The following TNNI3K variants were observed in gnomAD, a reference collection of about 807,000 sequenced individuals.
The protein encoded by TNNI3K is serine/threonine-protein kinase TNNI3K.
TNNI3K carries 140 observed loss-of-function variants against 114.5 expected under a neutral mutation model. That is an observed-to-expected ratio of 1.22 (90% CI 1.07 to 1.41). The LOEUF (loss-of-function observed/expected upper bound fraction) is 1.41. TNNI3K is among the 40% of genes most tolerant of loss of function. TNNI3K has a pLI of 0.00. For missense variants in TNNI3K, 1,125 were observed against 1,007.6 expected (o/e 1.12, Z -1.58); for synonymous variants, 347 against 347.5 (o/e 1.00, Z 0.02).
At chr1:74,294,585 GA>G (rs1396313273) in intron 5 of TNNI3K, among the ~76,000 whole-genome samples, 1 of 151,908 alleles carries the variant, frequency 6.6e-6, no homozygotes, top group African/African-American at 2.4e-5. Context: ...AGAGCTGAAG[GA>G]AAACTTAAAT....
chr1:74,307,832 A>G (rs546384), intron 5 of TNNI3K, among the ~76,000 whole-genome samples: 151,706 of 152,108 alleles, frequency 1, 75,655 homozygotes, highest in Middle Eastern at 1. Context: ...CCTTGGTAGC[A>G]CATGCCTGTA....
intron 5 of TNNI3K, among the ~76,000 whole-genome samples, chr1:74,302,741 G>T (rs1658403645): frequency 6.6e-6 from 1 of 152,184 alleles, no homozygotes; most frequent in Non-Finnish European, 1.5e-5. Context: ...CATAAGAAAA[G>T]TTTGAAGTTA....
intron 23 of TNNI3K, among the ~76,000 whole-genome samples, chr1:74,525,764 C>T (rs1646495956): frequency 6.6e-6 from 1 of 152,122 alleles, no homozygotes; most frequent in South Asian, 2.1e-4. Context: ...ATGGTCTTGT[C>T]AATACAGAAG....
intron 21 of TNNI3K, among the ~76,000 whole-genome samples, chr1:74,481,251 G>A (rs963064127): frequency 2.0e-5 from 3 of 151,990 alleles, no homozygotes; most frequent in Middle Eastern, 3.2e-3. Flanking sequence ...TCATTGTTTC[G>A]GATTATCTTC....
At chr1:74,245,170 A>G (rs950539211) in intron 2 of TNNI3K, among the ~76,000 whole-genome samples, 2 of 152,224 alleles carry the variant, frequency 1.3e-5, no homozygotes, top group Non-Finnish European at 2.9e-5. Flanking sequence ...ATCTGATAAG[A>G]TATTGGAAAA....
chr1:74,378,817 A>G (rs1173861423), intron 17 of TNNI3K: 1 of 150,970 alleles, frequency 6.6e-6, no homozygotes, highest in Non-Finnish European at 1.5e-5. Context: ...AGAAGAGGAA[A>G]TGAGTTTTAG....
At chr1:74,337,724 C>T (rs1193000730) in intron 7 of TNNI3K, among the ~76,000 whole-genome samples, 1 of 152,058 alleles carries the variant, frequency 6.6e-6, no homozygotes, top group Non-Finnish European at 1.5e-5. Context: ...TACCTCATCT[C>T]AGGTAAATAG....
At chr1:74,356,186 A>T (rs572183297) in intron 11 of TNNI3K, among the ~76,000 whole-genome samples, 1 of 152,268 alleles carries the variant, frequency 6.6e-6, no homozygotes, top group African/African-American at 2.4e-5. Context: ...ATTCATTCAC[A>T]TTGTTGCAGG....
chr1:74,313,335 G>T (rs1386857803), intron 5 of TNNI3K, among the ~76,000 whole-genome samples: 3 of 152,104 alleles, frequency 2.0e-5, no homozygotes, highest in African/African-American at 4.8e-5. Flanking sequence ...CCGGGACCAG[G>T]CCTGTCTATC....
intron 5 of TNNI3K, among the ~76,000 whole-genome samples, chr1:74,324,400 A>G (rs998481483): frequency 3.9e-5 from 6 of 152,252 alleles, no homozygotes; most frequent in African/African-American, 1.4e-4. Flanking sequence ...TAACATAGTC[A>G]TGATCCTTTT....
chr1:74,358,637 T>C (rs892572295), intron 11 of TNNI3K, among the ~76,000 whole-genome samples: 7 of 152,118 alleles, frequency 4.6e-5, no homozygotes, highest in Admixed American at 4.6e-4. Context: ...ATTTCAAGTT[T>C]AGTTACTTAG....
intron 23 of TNNI3K, 94 bp downstream of exon 23, chr1:74,492,360 A>T: frequency 7.6e-7 from 1 of 1,323,258 alleles, no homozygotes. Context: ...ACAGGGTTTG[A>T]TTACCCCCTG....
intron 11 of TNNI3K, among the ~76,000 whole-genome samples, chr1:74,356,597 C>T (rs952388051): frequency 3.9e-5 from 6 of 152,130 alleles, no homozygotes; most frequent in East Asian, 1.9e-4. Context: ...ATTAGTCTTC[C>T]GGAAGGCAGC....
intron 17 of TNNI3K, among the ~76,000 whole-genome samples, chr1:74,401,032 A>G (rs1664332775): frequency 1.3e-5 from 2 of 152,216 alleles, no homozygotes; most frequent in African/African-American, 2.4e-5. Context: ...TCTTTAATTC[A>G]ATATTCACTT....
chr1:74,263,241 T>C (rs984250298), intron 4 of TNNI3K, among the ~76,000 whole-genome samples: 1 of 152,062 alleles, frequency 6.6e-6, no homozygotes, highest in Non-Finnish European at 1.5e-5. Context: ...AGTTTCCTAA[T>C]ATTTAAATGC....
At chr1:74,249,044 T>C (rs760797975) in intron 2 of TNNI3K, among the ~76,000 whole-genome samples, 3 of 152,124 alleles carry the variant, frequency 2.0e-5, no homozygotes, top group Non-Finnish European at 4.4e-5. Context: ...AATTTTCTGA[T>C]TTCTGATTTC....
intron 18 of TNNI3K, 46 bp downstream of exon 18, chr1:74,436,178 G>T: frequency 6.2e-7 from 1 of 1,602,370 alleles, no homozygotes; most frequent in Non-Finnish European, 8.5e-7. Context: ...GTTCCTAGCT[G>T]GTACAATATG....
chr1:74,540,256 G>C lies in TNNI3K; in HGVS notation c.2374G>C (p.Gly792Arg), dbSNP rs1646710423. Residue 792 changes from glycine to arginine, a missense_variant, in exon 24 of 25, where the codon GGT becomes CGT. By Grantham distance (125) the Gly-to-Arg change is moderately radical (BLOSUM62 -2). Coordinates refer to ENST00000326637, the MANE Select transcript of TNNI3K (RefSeq NM_015978.3). ...SQSAGQYSSQ[G>R]LSLEEMKRSL... The stretch of plus-strand genomic sequence containing the variant: ...CAGTGCTGGACAATATTCCTCTCAA[G>C]GTCTGTCTTTGGAGGAGATGAAAAG... The C allele has an allele frequency of 1.2e-6, 2 of 1,612,152 alleles. No homozygotes were observed. The highest frequency in any genetic ancestry group is 1.7e-6 in the Non-Finnish European group (2 of 1,179,002).
intron 23 of TNNI3K, among the ~76,000 whole-genome samples, chr1:74,497,977 G>A (rs577851912): frequency 3.0e-4 from 46 of 152,178 alleles, no homozygotes; most frequent in Non-Finnish European, 6.0e-4. Flanking sequence ...TGAACTGTGG[G>A]AGGCTTTTTT....
Sources: allele counts gnomAD v4.1 joint callset (sites outside exome capture counted in the v4.1 genomes callset), GRCh38; gene constraint gnomAD v4.1.1; transcripts MANE v1.5; gene names NCBI Gene and HGNC (gene_info 2026-07-23, HGNC 2026-07-21).